The following RNF14 variants were observed in gnomAD, a reference collection of about 807,000 sequenced individuals.
The protein encoded by RNF14 is ring finger protein 14, also known as E3 ubiquitin-protein ligase RNF14.
A neutral mutation model predicts 52.6 loss-of-function variants in RNF14; 26 were observed. The ratio of observed to expected loss-of-function variants is 0.49; its 90% CI spans 0.36 to 0.69. RNF14 has a LOEUF of 0.69. Ranked by LOEUF, RNF14 falls within the 30% of genes least tolerant of loss-of-function variation. The pLI is 0.00. For synonymous variants in RNF14, 194 were observed against 202.0 expected, an observed-to-expected ratio of 0.96 and a Z score of 0.34; for missense variants, 404 against 560.4, an observed-to-expected ratio of 0.72 and a Z score of 2.82.
chr5:141,972,233 GAT>G (rs1753843764), intron 2 of RNF14, among the ~76,000 whole-genome samples: 1 of 62,606 alleles, frequency 1.6e-5, no homozygotes, highest in Non-Finnish European at 2.8e-5. Context: ...GCTATTTGGA[GAT>G]ATTTTTTTTT....
upstream of RNF14, chr5:141,955,112 G>T (rs373022057): frequency 6.2e-7 from 1 of 1,614,242 alleles, no homozygotes; most frequent in East Asian, 2.2e-5. This position sits in a 1 kb window ranked among gnomAD's most constrained non-coding sequence, Gnocchi z 5.5. Context: ...TTGAGATGTC[G>T]CTGCCGTCTC....
upstream of RNF14, chr5:141,955,316 C>A: frequency 4.3e-6 from 7 of 1,614,206 alleles, no homozygotes; most frequent in Non-Finnish European, 5.1e-6. This position sits in a 1 kb window ranked among gnomAD's most constrained non-coding sequence, Gnocchi z 5.5. Flanking sequence ...AGGAGGTTGA[C>A]CGTGTCTTGC....
intron 2 of RNF14, 82 bp from the exon 3 acceptor site, chr5:141,973,501 G>A: frequency 1.7e-6 from 2 of 1,190,066 alleles, no homozygotes; most frequent in Non-Finnish European, 1.2e-6. Flanking sequence ...GCCTCCCAAA[G>A]TGTTGGGATT....
intron 7 of RNF14, among the ~76,000 whole-genome samples, chr5:141,984,092 A>G (rs1413671563): frequency 1.3e-5 from 2 of 149,492 alleles, no homozygotes; most frequent in East Asian, 3.9e-4. Context: ...CTAGGACTAT[A>G]TGTAATCACT....
At chr5:141,985,042 C>T (rs1755114053) in intron 8 of RNF14, 109 bp downstream of exon 8, 4 of 1,018,240 alleles carry the variant, frequency 3.9e-6, no homozygotes, top group Admixed American at 4.7e-5. Context: ...AGAGAATTCT[C>T]TTACATGTTT....
chr5:141,982,990 T>G (rs1754915476), intron 6 of RNF14, among the ~76,000 whole-genome samples: 1 of 152,362 alleles, frequency 6.6e-6, no homozygotes, highest in African/African-American at 2.4e-5. Flanking sequence ...TTCTACCACT[T>G]TTAGCAGATA....
upstream of RNF14, among the ~76,000 whole-genome samples, chr5:141,966,584 A>G (rs946984436): frequency 1.4e-4 from 21 of 152,204 alleles, no homozygotes; most frequent in African/African-American, 4.8e-4. Context: ...TTAAAAGACT[A>G]ACCAGGCACA....
upstream of RNF14, chr5:141,957,868 G>T (rs1753214377): frequency 1.3e-6 from 2 of 1,588,358 alleles, no homozygotes; most frequent in Non-Finnish European, 1.7e-6. The surrounding 1 kb of genome is among the most constrained non-coding windows in gnomAD (Gnocchi z 4.3). Context: ...CGCCAAGTGG[G>T]CTAGATTCAG....
upstream of RNF14, among the ~76,000 whole-genome samples, chr5:141,954,359 G>A (rs1753140204): frequency 6.6e-6 from 1 of 152,220 alleles, no homozygotes; most frequent in African/African-American, 2.4e-5. Context: ...CAGATGAGAT[G>A]AAGGCAGGCA....
At chr5:141,980,031 C>T (rs1463178259) in intron 5 of RNF14, 92 bp from the exon 6 acceptor site, 3 of 937,540 alleles carry the variant, frequency 3.2e-6, no homozygotes, top group South Asian at 2.8e-5. Context: ...TTTATGTGCC[C>T]ATCTGGTTTA....
Position 141,978,685 on chromosome 5 carries a change from G to A in RNF14, c.689G>A (p.Ser230Asn). 6.2e-7 allele frequency: 1 copy of A among 1,614,038 alleles called. No homozygotes were observed. The highest frequency in any genetic ancestry group is 1.1e-5 in the South Asian group (1 of 91,074). Reference sequence around the variant, plus strand: ...ATCTGTTTCTGTGAGAAGCTGGGTAGTGAATGCATGTACTTCTTGGAGTGC... The same window carrying A: ...ATCTGTTTCTGTGAGAAGCTGGGTAATGAATGCATGTACTTCTTGGAGTGC... ...CSICFCEKLG[S>N]ECMYFLECRH... The change falls in exon 5 of 9, where the codon AGT (serine) becomes AAT (asparagine). Residue 230 changes from serine (S) to asparagine (N), a missense_variant. Physicochemically the swap from Ser to Asn is conservative, Grantham distance 46. Coordinates refer to ENST00000394520, the MANE Select transcript of RNF14 (RefSeq NM_004290.5).
At chr5:141,967,846 T>A (rs1753406562), upstream of RNF14, among the ~76,000 whole-genome samples, 1 of 152,184 alleles carries the variant, frequency 6.6e-6, no homozygotes, top group South Asian at 2.1e-4. Flanking sequence ...AAGACATAAT[T>A]CACATGCAAT....
chr5:141,977,677 C>A lies in RNF14; in HGVS notation c.307-626C>A, dbSNP rs566160202. Reference sequence around the variant, plus strand: ...TAGGACCAGGGTCAATATCAGGCAGCTTCCCTCCATTAACCAGGATCTGAT... The same window carrying A: ...TAGGACCAGGGTCAATATCAGGCAGATTCCCTCCATTAACCAGGATCTGAT... On this transcript the variant is annotated intron_variant, in intron 4 of 8. Transcript: ENST00000394520. Among the ~76,000 whole-genome samples, 27 of 152,324 alleles carry A rather than the reference C, an allele frequency of 1.8e-4. No individual in the cohort carries two copies. In the South Asian group the frequency reaches 4.4e-3, roughly 25 times the overall value.
chr5:141,957,232 T>C (rs970418614), upstream of RNF14: 14 of 1,614,168 alleles, frequency 8.7e-6, no homozygotes, highest in African/African-American at 5.3e-5. The surrounding 1 kb of genome is among the most constrained non-coding windows in gnomAD (Gnocchi z 4.3). Flanking sequence ...AAAAAATGAA[T>C]GGATTTCCCT....
chr5:141,960,022 G>T (rs942192743), intron 1 of RNF14, among the ~76,000 whole-genome samples: 2 of 152,228 alleles, frequency 1.3e-5, no homozygotes, highest in Non-Finnish European at 2.9e-5. Context: ...GGCAAAGATG[G>T]CCTTGCATTT....
At chr5:141,978,980 A>G (rs893935536) in intron 5 of RNF14, 150 bp downstream of exon 5, 15 of 796,412 alleles carry the variant, frequency 1.9e-5, no homozygotes, top group African/African-American at 3.5e-5. Flanking sequence ...TAAAAATGCT[A>G]TGGTCTTAGT....
At chr5:141,967,328 T>C (rs74678495), upstream of RNF14, among the ~76,000 whole-genome samples, 36 of 152,348 alleles carry the variant, frequency 2.4e-4, no homozygotes, top group East Asian at 6.7e-3. Flanking sequence ...TTTTTTATTT[T>C]AATTTTTCCA....
At chr5:141,980,423 T>A (rs1754668279) in intron 6 of RNF14, 72 bp downstream of exon 6, 1 of 1,096,498 alleles carries the variant, frequency 9.1e-7, no homozygotes, top group Non-Finnish European at 1.4e-6. Context: ...TACCAGGGCC[T>A]TATGACTTCA....
the RNF14 span, among the ~76,000 whole-genome samples, chr5:141,950,096 C>T: frequency 6.6e-6 from 1 of 152,188 alleles, no homozygotes; most frequent in African/African-American, 2.4e-5. Flanking sequence ...GAATGAGTGA[C>T]TGAACATTCC....
Sources: gnomAD v4.1 joint callset for allele counts (sites outside exome capture counted in the v4.1 genomes callset) on GRCh38, gnomAD v4.1.1 for gene constraint, Gnocchi (gnomAD v3.1) non-coding constraint, MANE v1.5 for transcripts, NCBI Gene and HGNC (gene_info 2026-07-23, HGNC 2026-07-21) for gene names.